The following OSBP variants were observed in gnomAD, a reference collection of about 807,000 sequenced individuals.
OSBP encodes the protein oxysterol binding protein.
Under a neutral mutation model 96.6 loss-of-function variants are expected in OSBP, and 32 were observed. The observed-to-expected ratio is 0.33, with a 90% CI of 0.25 to 0.45. The LOEUF is 0.45. Ranked by LOEUF, OSBP falls within the 20% of genes least tolerant of loss-of-function variation. The pLI is 1.00. For synonymous variants in OSBP, 369 were observed against 389.6 expected, an observed-to-expected ratio of 0.95 and a Z score of 0.62; for missense variants, 653 against 1,029.7, an observed-to-expected ratio of 0.63 and a Z score of 5.01.
In OSBP at chr11:59,580,190, C is replaced by T. The variant is rs1860404499; in HGVS notation, c.1862G>A (p.Arg621Gln). The change falls in exon 11 of 14, where the codon CGG becomes CAG. Residue 621 changes from arginine to glutamine, a missense_variant. Physicochemically the swap from Arg to Gln is conservative, Grantham distance 43. This residue lies in a region of OSBP where 169 missense variants were observed against 251.5 expected (regional missense o/e 0.67). Transcript: ENST00000263847. ...TTCCCTTACCTTTCTTGCTACATCCCGAGAGAAGTAGCTATAAGGAACAAA... is the reference window on the plus strand; with the variant it reads ...TTCCCTTACCTTTCTTGCTACATCCTGAGAGAAGTAGCTATAAGGAACAAA... ...LKFVPYSYFS[R>Q]DVARKVTGEV... The T allele has an allele frequency of 1.2e-6, 2 of 1,607,540 alleles. No homozygotes were observed. The highest frequency in any genetic ancestry group is 8.5e-7 in the Non-Finnish European group (1 of 1,174,370).
intron 9 of OSBP, among the ~76,000 whole-genome samples, chr11:59,587,224 G>C (rs1012741564): frequency 6.6e-6 from 1 of 152,138 alleles, no homozygotes; most frequent in Non-Finnish European, 1.5e-5. Flanking sequence ...AAGGAGGCTG[G>C]GTACGGCAGC....
In OSBP at chr11:59,574,833, A is replaced by C. The variant is rs1458043008; in HGVS notation, c.*1744T>G. The C allele has an allele frequency of 1.3e-5, 2 of 152,650 alleles. No homozygotes were observed. The allele number at this position is 152,650 out of a possible 1,614,324, so 9.5% of individuals were successfully genotyped here. Reference sequence around the variant, plus strand: ...AAGAAATAAAAGTATTAATTTACCCAGTAAAACCAATTTCCCCATAGGGAT... The same window carrying C: ...AAGAAATAAAAGTATTAATTTACCCCGTAAAACCAATTTCCCCATAGGGAT... On this transcript the variant is annotated 3_prime_UTR_variant, in exon 14 of 14. Transcript: ENST00000263847.
chr11:59,594,890 C>A (rs528461002), intron 7 of OSBP, among the ~76,000 whole-genome samples: 1 of 152,180 alleles, frequency 6.6e-6, no homozygotes, highest in East Asian at 1.9e-4. Context: ...CAGCTTAAGG[C>A]GACCAAGTAC....
In OSBP at chr11:59,600,196, C is replaced by T. The variant is rs146577175; in HGVS notation, c.1311+300G>A. On this transcript the variant is annotated intron_variant, in intron 7 of 13. Transcript: ENST00000263847. ...TCTGTCTCTTTTAAACTACACACTT[C>T]TTGAAAACAGAAACTATGATGTATT... Among the ~76,000 whole-genome samples the T allele has an allele frequency of 2.6e-4, 40 of 152,308 alleles. No homozygotes were observed. The East Asian group carries it at 7.5e-3, about 29-fold the overall frequency.
At position 59,574,725 on chromosome 11, in the gene OSBP, TA is replaced by T. The variant is rs1860340804; in HGVS notation, c.*1851del. 6.6e-6 allele frequency: 1 copy of T among 152,586 alleles called. No individual in the cohort carries two copies. Among genetic ancestry groups the T allele is most frequent in the African/African-American group, 2.4e-5 (1 of 41,420 alleles). 9.5% of individuals were successfully genotyped at this position (152,586 alleles called of 1,614,324 possible). ...CATAATCCCTGGCTTATTTTGGGAATAAGGTTCTTAGGAGGAAATTCCCCAG... is the reference window on the plus strand; with the variant it reads ...CATAATCCCTGGCTTATTTTGGGAATAGGTTCTTAGGAGGAAATTCCCCAG... On this transcript the variant is annotated 3_prime_UTR_variant, in exon 14 of 14. Transcript: ENST00000263847.
chr11:59,604,564 T>A (rs2134672677), intron 3 of OSBP, among the ~76,000 whole-genome samples: 1 of 151,532 alleles, frequency 6.6e-6, no homozygotes, highest in South Asian at 2.1e-4. Context: ...TAGCCAGGCA[T>A]GGTGATGTGC....
Position 59,584,186 on chromosome 11 carries a change from A to C in OSBP, c.1679-2632T>G, listed in dbSNP as rs148512487. On this transcript the variant is annotated intron_variant, in intron 9 of 13. Coordinates refer to ENST00000263847, the MANE Select transcript of OSBP (RefSeq NM_002556.3). Reference sequence around the variant, plus strand: ...GGTCTTGAACTCCTGGGCTCAGGCGATCCTCCCACCTCAGCCTCCCAAAGT... The same window carrying C: ...GGTCTTGAACTCCTGGGCTCAGGCGCTCCTCCCACCTCAGCCTCCCAAAGT... Among the ~76,000 whole-genome samples, 7 of 152,062 alleles carry C rather than the reference A, an allele frequency of 4.6e-5. No individual in the cohort carries two copies. The East Asian group carries it at 1.4e-3, about 29-fold the overall frequency.
chr11:59,580,288 C>T lies in OSBP; in HGVS notation c.1783-19G>A, dbSNP rs768092424. The T allele has an allele frequency of 2.0e-6, 3 of 1,520,948 alleles. No homozygotes were observed. The highest frequency in any genetic ancestry group is 3.4e-4 in the Middle Eastern group (2 of 5,858). The allele number at this position is 1,520,948 out of a possible 1,614,324, so 94.2% of individuals were successfully genotyped here. A position where few individuals can be genotyped will look rare whatever the true frequency, so the allele number is the denominator to read the frequency against. ...CGCCAGACTGTAAAATGAAAAAATT[C>T]AGTTTTATTAAGACTGGATAAATTC... On this transcript the variant is annotated intron_variant, in intron 10 of 13. Transcript: ENST00000263847.
At chr11:59,584,231 G>A (rs547280647) in intron 9 of OSBP, among the ~76,000 whole-genome samples, 19 of 152,184 alleles carry the variant, frequency 1.2e-4, no homozygotes, top group Admixed American at 2.6e-4. Flanking sequence ...ACAGGCACAA[G>A]CCACTGCACC....
chr11:59,598,108 C>T (rs775470879), intron 7 of OSBP, among the ~76,000 whole-genome samples: 18 of 152,206 alleles, frequency 1.2e-4, no homozygotes, highest in African/African-American at 4.1e-4. Flanking sequence ...CCAAGTGTTG[C>T]GTTGCACCCA....
intron 3 of OSBP, among the ~76,000 whole-genome samples, chr11:59,606,006 G>A (rs1275188453): frequency 6.6e-6 from 1 of 152,120 alleles, no homozygotes; most frequent in Non-Finnish European, 1.5e-5. Context: ...GACTCTCACT[G>A]CTCCTTCAGA....
chr11:59,576,746 A>C lies in OSBP; in HGVS notation c.2282-27T>G, dbSNP rs764220214. 4 of 1,612,170 alleles carry C rather than the reference A, an allele frequency of 2.5e-6. No homozygotes were observed. The South Asian group carries it at 4.4e-5, about 18-fold the overall frequency. ...TAAAAGGAAAAGAGAGGAAAGAAAAAAATTAGTGCTGGCATTCTCCATGCA... is the reference window on the plus strand; with the variant it reads ...TAAAAGGAAAAGAGAGGAAAGAAAACAATTAGTGCTGGCATTCTCCATGCA... On this transcript the variant is annotated intron_variant, in intron 13 of 13. Transcript: ENST00000263847.
chr11:59,605,306 A>G (rs554904042), intron 3 of OSBP, among the ~76,000 whole-genome samples: 6 of 152,318 alleles, frequency 3.9e-5, no homozygotes, highest in Non-Finnish European at 8.8e-5. Flanking sequence ...CTCGACTAAC[A>G]GTCAATTACC....
At chr11:59,578,098 C>A in intron 12 of OSBP, 51 bp downstream of exon 12, 1 of 1,563,988 alleles carries the variant, frequency 6.4e-7, no homozygotes, top group Non-Finnish European at 8.8e-7. Flanking sequence ...CAATATTGCT[C>A]CACAGTCAAG....
At position 59,574,503 on chromosome 11, in the gene OSBP, C is replaced by T. The variant is rs578208628; in HGVS notation, c.*2074G>A. The T allele has an allele frequency of 2.0e-5, 3 of 151,832 alleles. No individual in the cohort carries two copies. The East Asian group carries it at 5.8e-4, about 29-fold the overall frequency. The allele number at this position is 151,832 out of a possible 1,614,324, so 9.4% of individuals were successfully genotyped here. On this transcript the variant is annotated 3_prime_UTR_variant, in exon 14 of 14. Transcript: ENST00000263847. The stretch of plus-strand genomic sequence containing the variant: ...ATAGTTGTGTTTTGTTTTCATGTGA[C>T]TTTATTCCACCTGAAAGATTCTAAA...
At chr11:59,577,701 G>C (rs898638971) in intron 12 of OSBP, among the ~76,000 whole-genome samples, 1 of 152,124 alleles carries the variant, frequency 6.6e-6, no homozygotes, top group African/African-American at 2.4e-5. Context: ...ATGTTGGCCA[G>C]GCTGGTCTTG....
chr11:59,611,617 A>G (rs1860849425), intron 1 of OSBP, among the ~76,000 whole-genome samples: 1 of 152,210 alleles, frequency 6.6e-6, no homozygotes, highest in Admixed American at 6.5e-5. Context: ...GGGGAAGTAA[A>G]AAGGAATCAC....
chr11:59,583,236 C>G (rs751789917), intron 9 of OSBP, among the ~76,000 whole-genome samples: 7 of 152,086 alleles, frequency 4.6e-5, no homozygotes, highest in African/African-American at 9.7e-5. Context: ...CACTTGAACC[C>G]AGGAGGCGGA....
rs1810151013 is a variant in OSBP, at chr11:59,575,879, G to C, written c.*698C>G. 1 of 152,140 alleles carries C rather than the reference G, an allele frequency of 6.6e-6. No individual in the cohort carries two copies. The highest frequency in any genetic ancestry group is 2.1e-4 in the South Asian group (1 of 4,824). The allele number at this position is 152,140 out of a possible 1,614,324, so 9.4% of individuals were successfully genotyped here. A position where few individuals can be genotyped will look rare whatever the true frequency, so the allele number is the denominator to read the frequency against. On this transcript the variant is annotated 3_prime_UTR_variant, in exon 14 of 14. Transcript: ENST00000263847. ...GCACCCCCTTACCAATGACCAAAGT[G>C]GTCTCCAGTTGCTATTAAAGATGAT...
Sources: allele counts gnomAD v4.1 joint callset (sites outside exome capture counted in the v4.1 genomes callset), GRCh38; gene constraint gnomAD v4.1.1; regional missense constraint gnomAD v4.1.1; transcripts MANE v1.5; gene names NCBI Gene and HGNC (gene_info 2026-07-23, HGNC 2026-07-21).